ADGRE2: variants seen among roughly 807,000 people sequenced by gnomAD.
ADGRE2 encodes adhesion G protein-coupled receptor E2.
In ADGRE2, 83 loss-of-function variants were observed where a neutral mutation model predicts 100.8. The ratio of observed to expected loss-of-function variants is 0.82; its 90% CI spans 0.69 to 0.99. The LOEUF is 0.99. ADGRE2 is among the 50% of genes least tolerant of loss of function. The probability of loss-of-function intolerance (pLI) is 0.00; values close to 1 mark genes in which losing one functional copy is unlikely to be tolerated. For synonymous variants in ADGRE2, 355 were observed against 413.0 expected (o/e 0.86, Z 1.70); for missense variants, 814 against 1,035.7 (o/e 0.79, Z 2.94).
intron 11 of ADGRE2, among the ~76,000 whole-genome samples, chr19:14,760,997 T>G (rs1171044404): frequency 6.6e-6 from 1 of 152,124 alleles, no homozygotes; most frequent in Non-Finnish European, 1.5e-5. Flanking sequence ...ACCTATAATC[T>G]GGAAGCACCC....
chr19:14,749,036 T>C, intron 16 of ADGRE2, among the ~76,000 whole-genome samples: 1 of 151,798 alleles, frequency 6.6e-6, no homozygotes, highest in Non-Finnish European at 1.5e-5. Context: ...ATTAAAGTTA[T>C]ATGATCACAT....
chr19:14,775,860 G>GA (rs3057586), intron 2 of ADGRE2, among the ~76,000 whole-genome samples: 1,193 of 107,876 alleles, frequency 0.011, 26 homozygotes, highest in African/African-American at 0.016. Flanking sequence ...CTCCGCCTCA[G>GA]AAAAAAAAAA....
chr19:14,729,042 T>C (rs112985570), downstream of ADGRE2, among the ~76,000 whole-genome samples: 545 of 152,192 alleles, frequency 3.6e-3, 4 homozygotes, highest in Non-Finnish European at 5.3e-3. Flanking sequence ...GTGTGTGGTT[T>C]TGAGGGGTGG....
chr19:14,751,429 C>T lies in ADGRE2; in HGVS notation c.2024+7G>A. 1.2e-6 allele frequency: 2 copies of T among 1,606,280 alleles called. No individual in the cohort carries two copies. The highest frequency in any genetic ancestry group is 1.1e-5 in the South Asian group (1 of 90,890). On this transcript the variant is annotated splice_region_variant and intron_variant, in intron 16 of 20. Coordinates refer to ENST00000315576, the MANE Select transcript of ADGRE2 (RefSeq NM_013447.4). ...AGAAGATAAGGATTGTGAGAATTTG[C>T]ACTAACCGGGAAGGTGTTCCATAAA...
chr19:14,744,977 C>A (rs2043043729), intron 18 of ADGRE2, among the ~76,000 whole-genome samples: 3 of 152,028 alleles, frequency 2.0e-5, no homozygotes, highest in Admixed American at 2.0e-4. Flanking sequence ...GCAACCTCTG[C>A]CTCTCAGGTT....
chr19:14,769,294 C>G (rs1044122107), intron 5 of ADGRE2, among the ~76,000 whole-genome samples: 1 of 152,042 alleles, frequency 6.6e-6, no homozygotes, highest in African/African-American at 2.4e-5. Context: ...ATGTTCTGAG[C>G]TTTTGGAAGT....
rs1290191706 is a variant in ADGRE2, at chr19:14,743,627, G to T, written c.2341C>A (p.Leu781Ile). Residue 781 changes from leucine to isoleucine, a missense_variant, in exon 19 of 21, where the codon CTC becomes ATC. Transcript: ENST00000315576. ...CTGGGCAGTGGTACCTGCTGGCTGA[G>T]GAGGCAGTACACCAGGAAGATGAAG... ...GVFIFLVYCL[L>I]SQQVREQYGK... is the part of the protein sequence containing the mutation. 6.2e-7 allele frequency: 1 copy of T among 1,614,186 alleles called. No individual in the cohort carries two copies. Among genetic ancestry groups the T allele is most frequent in the Non-Finnish European group, 8.5e-7 (1 of 1,180,026 alleles).
chr19:14,777,264 A>T (rs1463662950), intron 1 of ADGRE2, among the ~76,000 whole-genome samples: 1 of 152,192 alleles, frequency 6.6e-6, no homozygotes, highest in East Asian at 1.9e-4. Context: ...CCCTGTGCCC[A>T]GAGCTTTGGC....
At chr19:14,748,924 A>C (rs2043175685) in intron 16 of ADGRE2, among the ~76,000 whole-genome samples, 1 of 152,120 alleles carries the variant, frequency 6.6e-6, no homozygotes, top group Non-Finnish European at 1.5e-5. Context: ...ACATATTAAA[A>C]GGATTATATA....
intron 16 of ADGRE2, among the ~76,000 whole-genome samples, chr19:14,747,668 T>C (rs536452860): frequency 6.6e-6 from 1 of 151,982 alleles, no homozygotes; most frequent in South Asian, 2.1e-4. Flanking sequence ...ATGAGCTGCG[T>C]GTGGTGGCGC....
intron 10 of ADGRE2, 90 bp downstream of exon 10, chr19:14,765,230 C>T: frequency 7.2e-7 from 1 of 1,390,104 alleles, no homozygotes; most frequent in South Asian, 1.2e-5. Flanking sequence ...GCATTGGGTC[C>T]TGTCCCCTCC....
rs373410379 is a variant in ADGRE2, at chr19:14,762,818, A to G, written c.1084+1615T>C. On this transcript the variant is annotated intron_variant, in intron 11 of 20. Transcript: ENST00000315576. ...ACCACCACGCCTGTCTAATTTTTGT[A>G]TTTTCAGTAGAGATGGGGTTTCACT... 4.6e-5 allele frequency among the ~76,000 whole-genome samples: 7 copies of G among 151,514 alleles called. No individual in the cohort carries two copies. The East Asian group carries it at 1.2e-3, about 25-fold the overall frequency.
intron 4 of ADGRE2, among the ~76,000 whole-genome samples, chr19:14,773,029 A>C (rs974757641): frequency 1.3e-4 from 18 of 136,284 alleles, no homozygotes; most frequent in Non-Finnish European, 7.7e-5. Flanking sequence ...CGGTGAGCCG[A>C]GATCGCGCCA....
intron 16 of ADGRE2, among the ~76,000 whole-genome samples, chr19:14,750,420 T>C (rs1213381043): frequency 2.0e-5 from 3 of 152,006 alleles, no homozygotes; most frequent in African/African-American, 7.2e-5. Context: ...TTCTTTAACC[T>C]GAAAAAGGGT....
intron 5 of ADGRE2, among the ~76,000 whole-genome samples, chr19:14,770,139 C>T (rs1455887122): frequency 1.3e-5 from 2 of 152,028 alleles, no homozygotes; most frequent in African/African-American, 2.4e-5. Context: ...GATGGAGCCT[C>T]GTGGGAGGTG....
chr19:14,758,093 G>A (rs776979554), intron 11 of ADGRE2, among the ~76,000 whole-genome samples: 2 of 152,220 alleles, frequency 1.3e-5, no homozygotes, highest in Non-Finnish European at 2.9e-5. Flanking sequence ...TTACAGGCGT[G>A]AGCCACCACC....
At chr19:14,770,896 T>G (rs1459185875) in intron 5 of ADGRE2, among the ~76,000 whole-genome samples, 3 of 151,934 alleles carry the variant, frequency 2.0e-5, no homozygotes, top group Non-Finnish European at 4.4e-5. Flanking sequence ...GTCAGGCTGG[T>G]CTTGAACTCC....
Position 14,743,618 on chromosome 19 carries a change from G to A in ADGRE2, c.2350C>T (p.Gln784Ter). Residue 784 changes from glutamine to a stop codon, truncating the protein, a stop_gained and splice_region_variant, in exon 19 of 21, where the codon CAG (glutamine) becomes TAG (stop). Coordinates refer to ENST00000315576, the MANE Select transcript of ADGRE2 (RefSeq NM_013447.4). LOFTEE classifies it high-confidence loss of function. ...IFLVYCLLSQ[Q>*]VREQYGKWSK... ...GGGTGGGAGCTGGGCAGTGGTACCT[G>A]CTGGCTGAGGAGGCAGTACACCAGG... is the stretch of plus-strand genomic sequence containing the variant. 1 of 1,614,164 alleles carries A rather than the reference G, an allele frequency of 6.2e-7. No individual in the cohort carries two copies. The highest frequency in any genetic ancestry group is 8.5e-7 in the Non-Finnish European group (1 of 1,180,022).
chr19:14,776,914 A>G lies in ADGRE2; in HGVS notation c.-158T>C. The stretch of plus-strand genomic sequence containing the variant: ...GCCGCTGGCCCAGGGCCCTCCCCGG[A>G]ACTGGCGGTGCAGCTGGAAGCCAGC... On this transcript the variant is annotated 5_prime_UTR_variant, in exon 2 of 21. Coordinates refer to ENST00000315576, the MANE Select transcript of ADGRE2 (RefSeq NM_013447.4). 1 of 1,479,050 alleles carries G rather than the reference A, an allele frequency of 6.8e-7. No individual in the cohort carries two copies. Among genetic ancestry groups the G allele is most frequent in the Non-Finnish European group, 9.0e-7 (1 of 1,110,984 alleles). 91.6% of individuals were successfully genotyped at this position (1,479,050 alleles called of 1,614,324 possible).
Sources: allele counts gnomAD v4.1 joint callset (sites outside exome capture counted in the v4.1 genomes callset), GRCh38; gene constraint gnomAD v4.1.1; transcripts MANE v1.5; gene names NCBI Gene and HGNC (gene_info 2026-07-23, HGNC 2026-07-21).